The following ALK variants were observed in gnomAD, a reference collection of about 807,000 sequenced individuals.
The protein encoded by ALK is ALK receptor tyrosine kinase, also known as ALK tyrosine kinase receptor.
In ALK, 74 loss-of-function variants were observed where a neutral mutation model predicts 163.1. The ratio of observed to expected loss-of-function variants is 0.45; its 90% CI spans 0.38 to 0.55. The LOEUF is 0.55. Ranked by LOEUF, ALK falls within the 20% of genes least tolerant of loss-of-function variation. The pLI is 0.00. For synonymous variants in ALK, 960 were observed against 843.2 expected, an observed-to-expected ratio of 1.14 and a Z score of -2.40; for missense variants, 2,063 against 2,105.3, an observed-to-expected ratio of 0.98 and a Z score of 0.39.
intron 1 of ALK, among the ~76,000 whole-genome samples, chr2:29,904,147 A>T (rs1667479921): frequency 6.6e-6 from 1 of 152,152 alleles, no homozygotes; most frequent in Non-Finnish European, 1.5e-5. Context: ...TTATTGAAAT[A>T]GGGTTTTTTT....
At chr2:29,208,098 G>T (rs1362007734) in intron 25 of ALK, 2 of 452,234 alleles carry the variant, frequency 4.4e-6, no homozygotes, top group Admixed American at 2.4e-5. Context: ...CAAGGATATT[G>T]TTTAGTGGAA....
At chr2:29,513,054 C>A (rs570770667) in intron 4 of ALK, among the ~76,000 whole-genome samples, 2 of 151,352 alleles carry the variant, frequency 1.3e-5, no homozygotes, top group African/African-American at 2.4e-5. Context: ...GAATCAATAT[C>A]GTGAAAATGG....
chr2:29,709,805 T>G (rs1679019743), intron 2 of ALK, among the ~76,000 whole-genome samples: 1 of 152,186 alleles, frequency 6.6e-6, no homozygotes, highest in African/African-American at 2.4e-5. Flanking sequence ...CTGCTAAAAA[T>G]GAGCAAACCT....
chr2:29,210,439 T>C (rs1324116811), intron 24 of ALK, among the ~76,000 whole-genome samples: 1 of 152,170 alleles, frequency 6.6e-6, no homozygotes, highest in African/African-American at 2.4e-5. Flanking sequence ...TTCTAGTTTT[T>C]TGTTTTGTTT....
intron 3 of ALK, 110 bp from the exon 4 acceptor site, chr2:29,532,226 C>A: frequency 1.0e-6 from 1 of 995,188 alleles, no homozygotes; most frequent in Admixed American, 2.0e-5. Context: ...ATACTGGAGG[C>A]CATTATCTCC....
intron 4 of ALK, among the ~76,000 whole-genome samples, chr2:29,478,011 T>C (rs899109823): frequency 6.6e-6 from 1 of 152,248 alleles, no homozygotes; most frequent in Admixed American, 6.5e-5. Flanking sequence ...TCAGTATTGA[T>C]GAGCTGTGCA....
chr2:29,358,671 C>T (rs1332088828), intron 5 of ALK, among the ~76,000 whole-genome samples: 1 of 152,172 alleles, frequency 6.6e-6, no homozygotes, highest in African/African-American at 2.4e-5. Context: ...TGCAAATGCC[C>T]ACCTTTCTGT....
intron 1 of ALK, among the ~76,000 whole-genome samples, chr2:29,832,507 T>G (rs1419379806): frequency 6.6e-6 from 1 of 152,248 alleles, no homozygotes; most frequent in Non-Finnish European, 1.5e-5. Flanking sequence ...TGAGTGTGTG[T>G]GCACACTAGG....
intron 1 of ALK, among the ~76,000 whole-genome samples, chr2:29,838,150 A>G (rs967847505): frequency 2.0e-5 from 3 of 152,138 alleles, no homozygotes; most frequent in African/African-American, 7.2e-5. Flanking sequence ...AAGAGCAGTC[A>G]TAGGAACTAT....
At chr2:29,447,230 C>G (rs1214325677) in intron 4 of ALK, among the ~76,000 whole-genome samples, 1 of 152,200 alleles carries the variant, frequency 6.6e-6, no homozygotes, top group Non-Finnish European at 1.5e-5. Flanking sequence ...CAGCCAGAGT[C>G]TCCTCCCCTA....
chr2:29,408,959 T>G (rs1252084553), intron 4 of ALK, among the ~76,000 whole-genome samples: 1 of 152,222 alleles, frequency 6.6e-6, no homozygotes, highest in Non-Finnish European at 1.5e-5. Context: ...CATTTGTTTC[T>G]AGGGGCTGAT....
intron 4 of ALK, among the ~76,000 whole-genome samples, chr2:29,400,659 T>G (rs191052078): frequency 3.3e-5 from 5 of 152,298 alleles, no homozygotes; most frequent in Admixed American, 1.3e-4. Context: ...CTGCCTCTCA[T>G]TCAGTCCACT....
chr2:29,783,118 G>A (rs544814866), intron 1 of ALK, among the ~76,000 whole-genome samples: 9 of 152,246 alleles, frequency 5.9e-5, no homozygotes, highest in African/African-American at 1.7e-4. Flanking sequence ...GTTACATTAC[G>A]GGCTCTTCGC....
intron 4 of ALK, among the ~76,000 whole-genome samples, chr2:29,522,728 A>G (rs1191379774): frequency 1.3e-5 from 2 of 152,178 alleles, no homozygotes; most frequent in Non-Finnish European, 2.9e-5. Context: ...CCCCATCTCC[A>G]TGGCTACTCT....
At chr2:29,491,318 C>T (rs1036015422) in intron 4 of ALK, among the ~76,000 whole-genome samples, 2 of 152,054 alleles carry the variant, frequency 1.3e-5, no homozygotes, top group South Asian at 2.1e-4. Context: ...GTGCCTAGAA[C>T]AGGGCCGAGT....
chr2:29,210,893 C>T (rs1292966612), intron 24 of ALK, among the ~76,000 whole-genome samples: 5 of 152,162 alleles, frequency 3.3e-5, no homozygotes, highest in Admixed American at 2.0e-4. Context: ...CAAGACTCAT[C>T]AGCTTCTACT....
intron 3 of ALK, among the ~76,000 whole-genome samples, chr2:29,640,835 G>T (rs1676680802): frequency 6.6e-6 from 1 of 152,146 alleles, no homozygotes; most frequent in African/African-American, 2.4e-5. Context: ...GGTCCATATG[G>T]GGTGTTGAAT....
chr2:29,431,950 G>GTCCTATCCCA (rs1032020346), intron 4 of ALK, among the ~76,000 whole-genome samples: 2 of 151,772 alleles, frequency 1.3e-5, no homozygotes, highest in African/African-American at 4.8e-5. Context: ...GTCCAGTCCC[G>GTCCTATCCCA]TCCCATCCCA....
chr2:29,408,623 T>G (rs993984935), intron 4 of ALK, among the ~76,000 whole-genome samples: 1 of 152,262 alleles, frequency 6.6e-6, no homozygotes, highest in Non-Finnish European at 1.5e-5. Flanking sequence ...AAGAGGCTTA[T>G]GTAGTACTCT....
Sources: allele counts gnomAD v4.1 joint callset (sites outside exome capture counted in the v4.1 genomes callset), GRCh38; gene constraint gnomAD v4.1.1; transcripts MANE v1.5; gene names NCBI Gene and HGNC (gene_info 2026-07-23, HGNC 2026-07-21).